NDUFA5: variants seen among roughly 807,000 people sequenced by gnomAD.
NDUFA5 encodes the protein NADH dehydrogenase [ubiquinone] 1 alpha subcomplex subunit 5.
NDUFA5 carries 11 observed loss-of-function variants against 19.8 expected under a neutral mutation model. That is an observed-to-expected ratio of 0.56 (90% CI 0.35 to 0.92). The LOEUF (loss-of-function observed/expected upper bound fraction) is 0.92, where lower values mean the gene tolerates loss of function less well. NDUFA5 is among the 40% of genes least tolerant of loss of function. The pLI is 0.01. For missense variants in NDUFA5, 109 were observed against 134.2 expected, an observed-to-expected ratio of 0.81 and a Z score of 0.93; for synonymous variants, 47 against 46.8, an observed-to-expected ratio of 1.00 and a Z score of -0.01.
Position 123,539,571 on chromosome 7 carries a change from A to T in NDUFA5, c.*2548T>A, listed in dbSNP as rs1475015854. ...TTAAAATTAGTTTAGTAGCCACTCA[A>T]AACACTGAAGATCTCTGAATAAAAG... is the stretch of plus-strand genomic sequence containing the variant. On this transcript the variant is annotated 3_prime_UTR_variant, in exon 5 of 5. Transcript: ENST00000355749. 6.6e-6 allele frequency: 1 copy of T among 152,196 alleles called. No individual in the cohort carries two copies. Among genetic ancestry groups the T allele is most frequent in the Non-Finnish European group, 1.5e-5 (1 of 68,024 alleles). 9.4% of individuals were successfully genotyped at this position (152,196 alleles called of 1,614,324 possible). A position where few individuals can be genotyped will look rare whatever the true frequency, so the allele number is the denominator to read the frequency against.
the NDUFA5 span, among the ~76,000 whole-genome samples, chr7:123,569,960 G>A: frequency 6.6e-6 from 1 of 151,246 alleles, no homozygotes; most frequent in African/African-American, 2.4e-5. Flanking sequence ...TTTGACTAAG[G>A]AAAAACTGCA....
At chr7:123,571,653 G>A in the NDUFA5 span, among the ~76,000 whole-genome samples, 8 of 152,292 alleles carry the variant, frequency 5.3e-5, no homozygotes, top group South Asian at 1.7e-3. Context: ...TTTCAAAACA[G>A]TGGTACTAAT....
chr7:123,580,498 T>C, the NDUFA5 span, among the ~76,000 whole-genome samples: 1 of 152,054 alleles, frequency 6.6e-6, no homozygotes, highest in Non-Finnish European at 1.5e-5. Context: ...CCCCTAAGCC[T>C]TACTTCTTCC....
At chr7:123,545,703 A>C (rs1238883524) in intron 3 of NDUFA5, 27 bp from the exon 4 acceptor site, 1 of 1,499,002 alleles carries the variant, frequency 6.7e-7, no homozygotes. Flanking sequence ...AAAAAAAATT[A>C]AAGAAGCATA....
intron 2 of NDUFA5, 34 bp from the exon 3 acceptor site, chr7:123,550,620 TA>T: frequency 7.8e-7 from 1 of 1,281,652 alleles, no homozygotes. Context: ...TTCCATAGGT[TA>T]AAATATTACC....
chr7:123,567,305 G>A, the NDUFA5 span, among the ~76,000 whole-genome samples: 1 of 152,138 alleles, frequency 6.6e-6, no homozygotes, highest in Admixed American at 6.5e-5. Flanking sequence ...AGTTGCCAGA[G>A]GAGTAAATGT....
chr7:123,599,464 A>T, the NDUFA5 span, among the ~76,000 whole-genome samples: 1 of 152,202 alleles, frequency 6.6e-6, no homozygotes, highest in East Asian at 1.9e-4. Flanking sequence ...TCATAGCAAG[A>T]GCTGTTTTTT....
chr7:123,562,395 GA>G (rs1189875177), upstream of NDUFA5, among the ~76,000 whole-genome samples: 8 of 152,144 alleles, frequency 5.3e-5, no homozygotes, highest in Non-Finnish European at 4.4e-5. Flanking sequence ...CTCTAGCTTT[GA>G]AAGTCTTAGA....
At position 123,542,612 on chromosome 7, in the gene NDUFA5, C is replaced by A. The variant is rs559036087; in HGVS notation, c.250-392G>T. Among the ~76,000 whole-genome samples, 4 of 152,208 alleles carry A rather than the reference C, an allele frequency of 2.6e-5. No homozygotes were observed. The South Asian group carries it at 8.3e-4, about 32-fold the overall frequency. On this transcript the variant is annotated intron_variant, in intron 4 of 4. Transcript: ENST00000355749. ...ATGTTTTATTTTGAGTTCCACAATA[C>A]AAACATATAACTAAAACTTTTTAAA...
chr7:123,581,195 C>T, the NDUFA5 span, among the ~76,000 whole-genome samples: 11 of 151,712 alleles, frequency 7.3e-5, no homozygotes, highest in Non-Finnish European at 1.3e-4. Flanking sequence ...GCATGAACAC[C>T]GTTCAGAGGA....
the NDUFA5 span, among the ~76,000 whole-genome samples, chr7:123,599,269 C>CACAAA: frequency 6.6e-6 from 1 of 152,020 alleles, no homozygotes; most frequent in African/African-American, 2.4e-5. Context: ...CAAAAAAACA[C>CACAAA]ACAAAACAAA....
intron 3 of NDUFA5, among the ~76,000 whole-genome samples, chr7:123,547,008 C>T (rs913636550): frequency 2.6e-5 from 4 of 152,058 alleles, no homozygotes; most frequent in East Asian, 3.9e-4. Context: ...GGATATTACA[C>T]ACAGAAAAGG....
At position 123,542,189 on chromosome 7, in the gene NDUFA5, A is replaced by T; in HGVS notation, c.281T>A (p.Met94Lys). The change falls in exon 5 of 5, where the codon ATG (methionine) becomes AAG (lysine). Residue 94 changes from methionine (M) to lysine (K), a missense_variant. Transcript: ENST00000355749. ...TGGCTCCCATAGTTTCCATTCCCTC[A>T]TTTTTCTTGCCAGATTTAGTTCATG... ...AEHELNLARK[M>K]REWKLWEPLV... 1 of 1,611,828 alleles carries T rather than the reference A, an allele frequency of 6.2e-7. No individual in the cohort carries two copies. The highest frequency in any genetic ancestry group is 8.5e-7 in the Non-Finnish European group (1 of 1,179,016).
the NDUFA5 span, among the ~76,000 whole-genome samples, chr7:123,572,269 G>A: frequency 1.4e-5 from 2 of 145,998 alleles, no homozygotes; most frequent in Admixed American, 7.2e-5. Context: ...AGCCTCCTAC[G>A]TAGCTGGGAC....
chr7:123,571,031 C>A, the NDUFA5 span, among the ~76,000 whole-genome samples: 1 of 152,188 alleles, frequency 6.6e-6, no homozygotes, highest in Admixed American at 6.5e-5. Flanking sequence ...GGTTCAAGAA[C>A]CCCTAGCTGT....
Position 123,540,171 on chromosome 7 carries a change from G to A in NDUFA5, c.*1948C>T, listed in dbSNP as rs1346545660. On this transcript the variant is annotated 3_prime_UTR_variant, in exon 5 of 5. Transcript: ENST00000355749. Reference sequence around the variant, plus strand: ...AATTTGTAGTATCACTCTTAGGGTTGTAGTGCAGGTTTAATGAGTGAAATT... The same window carrying A: ...AATTTGTAGTATCACTCTTAGGGTTATAGTGCAGGTTTAATGAGTGAAATT... 6.6e-6 allele frequency: 1 copy of A among 152,188 alleles called. No homozygotes were observed. The highest frequency in any genetic ancestry group is 1.5e-5 in the Non-Finnish European group (1 of 68,032). 9.4% of individuals were successfully genotyped at this position (152,188 alleles called of 1,614,324 possible). A position where few individuals can be genotyped will look rare whatever the true frequency, so the allele number is the denominator to read the frequency against.
the NDUFA5 span, among the ~76,000 whole-genome samples, chr7:123,577,082 T>A: frequency 6.6e-6 from 1 of 152,158 alleles, no homozygotes; most frequent in African/African-American, 2.4e-5. Flanking sequence ...TATAAAAATA[T>A]CTTTTACATA....
the NDUFA5 span, among the ~76,000 whole-genome samples, chr7:123,582,137 A>C: frequency 6.6e-6 from 1 of 151,948 alleles, no homozygotes; most frequent in African/African-American, 2.4e-5. Context: ...ATCTTTTCCT[A>C]CCTAAAATGC....
chr7:123,570,389 C>T, the NDUFA5 span, among the ~76,000 whole-genome samples: 2 of 152,046 alleles, frequency 1.3e-5, no homozygotes, highest in African/African-American at 2.4e-5. Flanking sequence ...GACTATATCA[C>T]CCACCCTGAT....
Sources: gnomAD v4.1 joint callset for allele counts (sites outside exome capture counted in the v4.1 genomes callset) on GRCh38, gnomAD v4.1.1 for gene constraint, MANE v1.5 for transcripts, NCBI Gene and HGNC (gene_info 2026-07-23, HGNC 2026-07-21) for gene names.